The following ARHGEF12 variants were observed in gnomAD, a reference collection of about 807,000 sequenced individuals.
The protein encoded by ARHGEF12 is Rho guanine nucleotide exchange factor 12, also known as KMT2A/ARHGEF12 fusion protein.
A neutral mutation model predicts 211.2 loss-of-function variants in ARHGEF12; 66 were observed. The observed-to-expected ratio is 0.31, with a 90% CI of 0.26 to 0.38. The LOEUF (loss-of-function observed/expected upper bound fraction) is 0.38. ARHGEF12 is among the 10% of genes least tolerant of loss of function. ARHGEF12 has a pLI of 1.00. For missense variants in ARHGEF12, 1,429 were observed against 1,869.5 expected, an observed-to-expected ratio of 0.76 and a Z score of 4.34; for synonymous variants, 592 against 638.4, an observed-to-expected ratio of 0.93 and a Z score of 1.09.
intron 1 of ARHGEF12, among the ~76,000 whole-genome samples, chr11:120,353,568 G>A (rs1443894000): frequency 6.6e-6 from 1 of 152,138 alleles, no homozygotes; most frequent in Non-Finnish European, 1.5e-5. Flanking sequence ...TCGCTGTCTA[G>A]TCTTTGCTAT....
intron 1 of ARHGEF12, among the ~76,000 whole-genome samples, chr11:120,355,481 A>C (rs1943107476): frequency 6.6e-6 from 1 of 152,230 alleles, no homozygotes. Flanking sequence ...TGAGAAAAAA[A>C]CTTAGATTCA....
intron 1 of ARHGEF12, among the ~76,000 whole-genome samples, chr11:120,375,566 A>T (rs1204405366): frequency 1.0e-4 from 15 of 142,916 alleles, no homozygotes; most frequent in African/African-American, 2.9e-4. Flanking sequence ...TTTTTTTTTT[A>T]AATAAAAAGT....
At chr11:120,477,883 G>GA (rs1428274429) in intron 36 of ARHGEF12, among the ~76,000 whole-genome samples, 1 of 138,980 alleles carries the variant, frequency 7.2e-6, no homozygotes, top group African/African-American at 2.9e-5. Flanking sequence ...AAGAAAAAAA[G>GA]AAAAAAAAGA....
intron 1 of ARHGEF12, among the ~76,000 whole-genome samples, chr11:120,379,514 T>G (rs1943820189): frequency 6.6e-6 from 1 of 151,274 alleles, no homozygotes; most frequent in Non-Finnish European, 1.5e-5. Flanking sequence ...TACCATTAAG[T>G]ACGATTTTTT....
intron 1 of ARHGEF12, among the ~76,000 whole-genome samples, chr11:120,347,731 T>C (rs1025653340): frequency 5.3e-5 from 8 of 152,182 alleles, no homozygotes; most frequent in African/African-American, 1.7e-4. Flanking sequence ...AACCAGTAAG[T>C]TTGTCATTTC....
Position 120,459,271 on chromosome 11 carries a change from A to G in ARHGEF12, c.2478A>G (p.Ser826=). 1 of 1,613,688 alleles carries G rather than the reference A, an allele frequency of 6.2e-7. No homozygotes were observed. Among genetic ancestry groups the G allele is most frequent in the Non-Finnish European group, 8.5e-7 (1 of 1,179,802 alleles). ...CCAGAGAAGGAATTCTGTCACCCTCAGAGCTACGGAAAATTTTTTCAAACT... is the reference window on the plus strand; with the variant it reads ...CCAGAGAAGGAATTCTGTCACCCTCGGAGCTACGGAAAATTTTTTCAAACT... The part of the protein sequence containing the change: ...RVSREGILSP[S]ELRKIFSNLE... The change falls in exon 26 of 41, where the codon TCA becomes TCG. Residue 826 remains serine (S), a synonymous_variant. Coordinates refer to ENST00000397843, the MANE Select transcript of ARHGEF12 (RefSeq NM_015313.3).
chr11:120,438,842 T>C (rs1341431523), intron 12 of ARHGEF12: 2 of 152,162 alleles, frequency 1.3e-5, no homozygotes, highest in Non-Finnish European at 2.9e-5. Flanking sequence ...ATGTATGTAT[T>C]TATGTATGCA....
chr11:120,378,044 G>A (rs1482350168), intron 1 of ARHGEF12, among the ~76,000 whole-genome samples: 1 of 152,112 alleles, frequency 6.6e-6, no homozygotes, highest in Non-Finnish European at 1.5e-5. Context: ...GGGATTACAG[G>A]CATGAGCCAC....
intron 27 of ARHGEF12, among the ~76,000 whole-genome samples, chr11:120,462,168 T>C (rs1189013927): frequency 6.6e-6 from 1 of 152,240 alleles, no homozygotes; most frequent in African/African-American, 2.4e-5. Context: ...GTGAGAGATA[T>C]GTGACTCCTC....
chr11:120,437,467 A>G (rs1945729575), intron 12 of ARHGEF12, 85 bp downstream of exon 12: 2 of 908,540 alleles, frequency 2.2e-6, no homozygotes, highest in East Asian at 3.0e-5. Flanking sequence ...TGATGTTTAC[A>G]TATTTTATTT....
At chr11:120,396,526 C>T (rs1944393252) in intron 1 of ARHGEF12, among the ~76,000 whole-genome samples, 1 of 152,186 alleles carries the variant, frequency 6.6e-6, no homozygotes. Context: ...AAGGGTACTT[C>T]ACCCCTGTGG....
At chr11:120,372,968 A>G (rs369164381) in intron 1 of ARHGEF12, among the ~76,000 whole-genome samples, 2 of 152,316 alleles carry the variant, frequency 1.3e-5, no homozygotes, top group East Asian at 3.8e-4. Flanking sequence ...GCTATTAATA[A>G]TAAATGTTGA....
At chr11:120,468,723 T>C (rs1946781437) in intron 29 of ARHGEF12, among the ~76,000 whole-genome samples, 1 of 152,250 alleles carries the variant, frequency 6.6e-6, no homozygotes, top group Non-Finnish European at 1.5e-5. Context: ...AGTGCTAGGA[T>C]TACAGGCATG....
chr11:120,484,169 G>T (rs1217852011), intron 39 of ARHGEF12, among the ~76,000 whole-genome samples: 2 of 152,240 alleles, frequency 1.3e-5, no homozygotes, highest in African/African-American at 4.8e-5. Context: ...ACTCCTGGGG[G>T]TGGGAGAATT....
At position 120,489,633 on chromosome 11, in the gene ARHGEF12, T is replaced by G. The variant is rs1786737202; in HGVS notation, c.*4556T>G. ...TTTGACTTATTCTTGGGATAATATT[T>G]TAGTTTTCAGTCATTCAAGGGCACA... On this transcript the variant is annotated 3_prime_UTR_variant, in exon 41 of 41. Transcript: ENST00000397843. The G allele has an allele frequency of 4.7e-6, 1 of 212,348 alleles. No individual in the cohort carries two copies. The highest frequency in any genetic ancestry group is 9.5e-6 in the Non-Finnish European group (1 of 104,734). 13.2% of individuals were successfully genotyped at this position (212,348 alleles called of 1,614,324 possible).
Position 120,449,232 on chromosome 11 carries a change from G to C in ARHGEF12, c.1843+18G>C. 6.2e-7 allele frequency: 1 copy of C among 1,604,876 alleles called. No homozygotes were observed. The highest frequency in any genetic ancestry group is 8.5e-7 in the Non-Finnish European group (1 of 1,172,374). ...CAGTGCAAGTATGTTGAAGTTTGAAGTGCTGCATTTTCAGTACTCCAGGCC... is the reference window on the plus strand; with the variant it reads ...CAGTGCAAGTATGTTGAAGTTTGAACTGCTGCATTTTCAGTACTCCAGGCC... On this transcript the variant is annotated intron_variant, in intron 21 of 40. Transcript: ENST00000397843.
chr11:120,483,258 CT>C lies in ARHGEF12; in HGVS notation c.4555-1158del, dbSNP rs777120176. Reference sequence around the variant, plus strand: ...GTTTCTACATGTGCTCCATAATAATCTTTTTTTTTTTTTTTTTTTTTTGAGA... The same window carrying C: ...GTTTCTACATGTGCTCCATAATAATCTTTTTTTTTTTTTTTTTTTTTGAGA... On this transcript the variant is annotated intron_variant, in intron 39 of 40. Coordinates refer to ENST00000397843, the MANE Select transcript of ARHGEF12 (RefSeq NM_015313.3). 6.8e-3 allele frequency among the ~76,000 whole-genome samples: 663 copies of C among 97,472 alleles called. 3 individuals are homozygous for C. The highest frequency in any genetic ancestry group is 0.021 in the African/African-American group (526 of 25,062). 63.9% of individuals were successfully genotyped at this position (97,472 alleles called of 152,430 possible). A position where few individuals can be genotyped will look rare whatever the true frequency, so the allele number is the denominator to read the frequency against.
At chr11:120,483,797 G>A (rs1018890037) in intron 39 of ARHGEF12, among the ~76,000 whole-genome samples, 1 of 152,018 alleles carries the variant, frequency 6.6e-6, no homozygotes, top group Non-Finnish European at 1.5e-5. Context: ...TTTATTTTTA[G>A]TAGAGACGGG....
chr11:120,484,442 T>G lies in ARHGEF12; in HGVS notation c.4559T>G (p.Val1520Gly). ...CCTATGGGTTTTATTTCACAGAAGG[T>G]GGAGGAAAGTTACACCATTCTTTGC... ...IEADLEHLKK[V>G]EESYTILCQR... The change falls in exon 40 of 41, where the codon GTG becomes GGG. Residue 1520 changes from valine (V) to glycine (G), a missense_variant. Coordinates refer to ENST00000397843, the MANE Select transcript of ARHGEF12 (RefSeq NM_015313.3). The G allele has an allele frequency of 6.2e-7, 1 of 1,613,792 alleles. No individual in the cohort carries two copies. The highest frequency in any genetic ancestry group is 8.5e-7 in the Non-Finnish European group (1 of 1,179,848).
Sources: gnomAD v4.1 joint callset for allele counts (sites outside exome capture counted in the v4.1 genomes callset) on GRCh38, gnomAD v4.1.1 for gene constraint, MANE v1.5 for transcripts, NCBI Gene and HGNC (gene_info 2026-07-23, HGNC 2026-07-21) for gene names.